The following TBC1D1 variants were observed in gnomAD, a reference collection of about 807,000 sequenced individuals.
TBC1D1 encodes TBC1 domain family member 1.
A neutral mutation model predicts 125.6 loss-of-function variants in TBC1D1; 89 were observed. The ratio of observed to expected loss-of-function variants is 0.71; its 90% confidence interval spans 0.60 to 0.85. TBC1D1 has a LOEUF of 0.85. TBC1D1 is among the 40% of genes least tolerant of loss of function. The probability of loss-of-function intolerance (pLI) is 0.00; values close to 1 mark genes in which losing one functional copy is unlikely to be tolerated. For missense variants in TBC1D1, 1,377 were observed against 1,469.2 expected, an observed-to-expected ratio of 0.94 and a Z score of 1.03; for synonymous variants, 565 against 564.1, an observed-to-expected ratio of 1.00 and a Z score of -0.02.
At chr4:37,951,279 A>G (rs1727811520) in intron 2 of TBC1D1, among the ~76,000 whole-genome samples, 1 of 152,210 alleles carries the variant, frequency 6.6e-6, no homozygotes, top group South Asian at 2.1e-4. Context: ...TGATCGTGGG[A>G]AGAGAAGTGG....
chr4:38,074,854 G>A (rs1417429482), intron 12 of TBC1D1, among the ~76,000 whole-genome samples: 1 of 151,564 alleles, frequency 6.6e-6, no homozygotes, highest in Admixed American at 6.6e-5. Flanking sequence ...CTCTGCCTCC[G>A]GGTTCAAATG....
chr4:38,090,158 C>A, intron 13 of TBC1D1, 41 bp downstream of exon 15: 1 of 1,596,058 alleles, frequency 6.3e-7, no homozygotes, highest in Non-Finnish European at 8.6e-7. Flanking sequence ...CTGGTCTTAT[C>A]TTGGCTCTGA....
intron 3 of TBC1D1, among the ~76,000 whole-genome samples, chr4:38,015,911 A>G (rs1211940808): frequency 6.6e-6 from 1 of 152,144 alleles, no homozygotes; most frequent in Non-Finnish European, 1.5e-5. Context: ...TTGACCATTG[A>G]TCTAGTGTAC....
At chr4:38,001,036 C>T (rs1052427324) in intron 2 of TBC1D1, among the ~76,000 whole-genome samples, 1 of 151,990 alleles carries the variant, frequency 6.6e-6, no homozygotes, top group African/African-American at 2.4e-5. Flanking sequence ...CTGGGTAACA[C>T]GGTGAAACTC....
At chr4:38,064,852 C>T (rs191317199) in intron 12 of TBC1D1, among the ~76,000 whole-genome samples, 4 of 151,830 alleles carry the variant, frequency 2.6e-5, no homozygotes, top group East Asian at 1.9e-4. Flanking sequence ...CTTCATCTCC[C>T]GACCTCGCGA....
chr4:38,054,137 A>G (rs1186278871), intron 11 of TBC1D1, 62 bp from the exon 14 acceptor site: 1 of 1,545,820 alleles, frequency 6.5e-7, no homozygotes. Flanking sequence ...AAAAATGTTA[A>G]GCTAACAAAA....
In TBC1D1 at chr4:37,902,161, C is replaced by T. The variant is rs778117343; in HGVS notation, c.66C>T (p.Gly22=). ...CTAACGAGGTCTCGGTGGATTTTGG[C>T]CTGCAGCTGGTGGGCTCCCTGCCTG... Residue 22 remains glycine (G), a synonymous_variant, in exon 2 of 20, where the codon GGC becomes GGT. Transcript: ENST00000261439. 6 of 1,610,058 alleles carry T rather than the reference C, an allele frequency of 3.7e-6. No homozygotes were observed. The South Asian group carries it at 4.4e-5, about 12-fold the overall frequency.
chr4:38,119,437 T>A (rs1190526628), intron 17 of TBC1D1, among the ~76,000 whole-genome samples: 1 of 151,754 alleles, frequency 6.6e-6, no homozygotes, highest in African/African-American at 2.4e-5. Context: ...ATAAAATCAC[T>A]AAATTAAAAT....
At chr4:38,084,499 A>G (rs900742077) in intron 12 of TBC1D1, among the ~76,000 whole-genome samples, 19 of 152,236 alleles carry the variant, frequency 1.2e-4, no homozygotes, top group Non-Finnish European at 1.5e-4. Context: ...GTAGAGGTAA[A>G]GCTGCTCATA....
intron 6 of TBC1D1, among the ~76,000 whole-genome samples, chr4:38,023,792 CTGT>C (rs769169957): frequency 6.6e-6 from 1 of 152,164 alleles, no homozygotes; most frequent in Non-Finnish European, 1.5e-5. Flanking sequence ...GTGCAAATAT[CTGT>C]TGAAGTTCCT....
chr4:38,006,333 A>C (rs890377324), intron 2 of TBC1D1, among the ~76,000 whole-genome samples: 1 of 152,206 alleles, frequency 6.6e-6, no homozygotes, highest in African/African-American at 2.4e-5. Context: ...TAACTGGATT[A>C]GACTTCAACA....
At chr4:37,993,809 G>C (rs577230728) in intron 2 of TBC1D1, among the ~76,000 whole-genome samples, 2 of 152,126 alleles carry the variant, frequency 1.3e-5, no homozygotes, top group East Asian at 1.9e-4. Context: ...CTCGAACTCC[G>C]GACCTCAAGT....
chr4:37,911,577 G>C (rs576773326), intron 2 of TBC1D1, among the ~76,000 whole-genome samples: 1 of 152,086 alleles, frequency 6.6e-6, no homozygotes, highest in South Asian at 2.1e-4. Flanking sequence ...TTTCCTGGCC[G>C]CTTTTATTCT....
At chr4:37,917,708 T>C (rs1436802979) in intron 2 of TBC1D1, among the ~76,000 whole-genome samples, 1 of 152,198 alleles carries the variant, frequency 6.6e-6, no homozygotes, top group African/African-American at 2.4e-5. Flanking sequence ...AGAAGGGATT[T>C]TGATCCAATA....
At chr4:37,931,865 T>C (rs186246048) in intron 2 of TBC1D1, among the ~76,000 whole-genome samples, 253 of 152,348 alleles carry the variant, frequency 1.7e-3, no homozygotes, top group Non-Finnish European at 2.7e-3. Context: ...GTTTTACTCT[T>C]TCTTGTACCT....
intron 2 of TBC1D1, among the ~76,000 whole-genome samples, chr4:37,945,406 G>T (rs1299392143): frequency 6.6e-6 from 1 of 150,768 alleles, no homozygotes; most frequent in African/African-American, 2.4e-5. Flanking sequence ...CCAGCTACTT[G>T]GGAGGCTGAG....
At chr4:38,030,527 G>A (rs1342836279) in intron 7 of TBC1D1, 8 of 152,178 alleles carry the variant, frequency 5.3e-5, no homozygotes, top group African/African-American at 1.9e-4. Flanking sequence ...TTGTTAGATG[G>A]TCTTGTTGAA....
intron 12 of TBC1D1, among the ~76,000 whole-genome samples, chr4:38,072,962 C>T (rs554707719): frequency 6.6e-6 from 1 of 151,906 alleles, no homozygotes; most frequent in Non-Finnish European, 1.5e-5. Flanking sequence ...CTTTTTTTTC[C>T]GCCTTTTTTT....
chr4:38,048,079 C>T (rs1376736218), intron 10 of TBC1D1, among the ~76,000 whole-genome samples: 1 of 152,160 alleles, frequency 6.6e-6, no homozygotes, highest in Non-Finnish European at 1.5e-5. Context: ...TGCAACTTTT[C>T]AGAAGCTGCT....
Sources: allele counts gnomAD v4.1 joint callset (sites outside exome capture counted in the v4.1 genomes callset), GRCh38; gene constraint gnomAD v4.1.1; transcripts MANE v1.5; gene names NCBI Gene and HGNC (gene_info 2026-07-23, HGNC 2026-07-21).